Variants in SCFD2 observed in about 807,000 individuals in gnomAD.
SCFD2 encodes the protein sec1 family domain-containing protein 2.
A neutral mutation model predicts 58.9 loss-of-function variants in SCFD2; 54 were observed. The ratio of observed to expected loss-of-function variants is 0.92; its 90% CI spans 0.74 to 1.15. The LOEUF is 1.15. Among genes scored for constraint, SCFD2 ranks in the 50% most tolerant of loss-of-function variants. The pLI is 0.00. For synonymous variants in SCFD2, 321 were observed against 335.9 expected (o/e 0.96, Z 0.49); for missense variants, 805 against 836.6 (o/e 0.96, Z 0.47).
chr4:53,221,460 C>G (rs74344116), intron 4 of SCFD2, among the ~76,000 whole-genome samples: 4,708 of 152,280 alleles, frequency 0.031, 144 homozygotes, highest in African/African-American at 0.083. Flanking sequence ...TAAAACCCCA[C>G]TGAGTTCAAA....
At chr4:52,891,290 C>A (rs770908905) in intron 7 of SCFD2, among the ~76,000 whole-genome samples, 1 of 152,146 alleles carries the variant, frequency 6.6e-6, no homozygotes, top group Admixed American at 6.5e-5. Context: ...GAAAAGAACC[C>A]CTGCTGTCAC....
At chr4:53,178,126 T>C (rs1727404432) in intron 4 of SCFD2, among the ~76,000 whole-genome samples, 1 of 152,202 alleles carries the variant, frequency 6.6e-6, no homozygotes, top group Non-Finnish European at 1.5e-5. Flanking sequence ...CTCTGCAGAC[T>C]TAAATGTCCC....
chr4:53,327,926 C>A (rs892501936), intron 2 of SCFD2, among the ~76,000 whole-genome samples: 2 of 151,772 alleles, frequency 1.3e-5, no homozygotes, highest in African/African-American at 4.8e-5. Context: ...GTCAGGAGAT[C>A]GAGACAATCC....
chr4:52,922,696 T>C (rs1365819109), intron 5 of SCFD2, among the ~76,000 whole-genome samples: 1 of 152,238 alleles, frequency 6.6e-6, no homozygotes, highest in East Asian at 1.9e-4. Context: ...TGTGTGGACA[T>C]ACATTTTCAT....
intron 5 of SCFD2, among the ~76,000 whole-genome samples, chr4:53,022,834 T>A (rs1722382017): frequency 6.6e-6 from 1 of 152,194 alleles, no homozygotes; most frequent in Admixed American, 6.5e-5. Flanking sequence ...TGTAGGGGTG[T>A]GGAGACTGAC....
intron 3 of SCFD2, among the ~76,000 whole-genome samples, chr4:53,300,966 T>A (rs1327706312): frequency 2.0e-5 from 3 of 152,108 alleles, no homozygotes; most frequent in East Asian, 3.9e-4. Context: ...AGAGGGAAAT[T>A]TATAGCACTA....
chr4:53,328,369 G>A (rs1337135392), intron 2 of SCFD2, among the ~76,000 whole-genome samples: 2 of 152,048 alleles, frequency 1.3e-5, no homozygotes, highest in Non-Finnish European at 2.9e-5. Flanking sequence ...CTGATTCCAG[G>A]ACTAGCTAGG....
chr4:53,150,065 G>A (rs956482795), intron 4 of SCFD2, among the ~76,000 whole-genome samples: 1 of 152,140 alleles, frequency 6.6e-6, no homozygotes. Context: ...TATTATATTT[G>A]ATAAATGCAC....
At chr4:53,035,842 G>A (rs28823122) in intron 5 of SCFD2, among the ~76,000 whole-genome samples, 26,985 of 151,998 alleles carry the variant, frequency 0.18, 3,955 homozygotes, top group African/African-American at 0.4. Context: ...ACTGGGGAGG[G>A]TGTGGAGAAA....
chr4:53,170,253 TAC>T (rs1365852722), intron 4 of SCFD2, among the ~76,000 whole-genome samples: 1 of 152,214 alleles, frequency 6.6e-6, no homozygotes, highest in Non-Finnish European at 1.5e-5. Flanking sequence ...TTGCATGAGA[TAC>T]ACAGTTTTCC....
chr4:53,303,456 G>A (rs981349147), intron 3 of SCFD2, among the ~76,000 whole-genome samples: 13 of 152,132 alleles, frequency 8.5e-5, no homozygotes, highest in African/African-American at 2.4e-4. Context: ...GAAACAGCAC[G>A]TGCTGGAGAG....
intron 4 of SCFD2, among the ~76,000 whole-genome samples, chr4:53,181,240 C>T (rs373849115): frequency 3.3e-5 from 5 of 152,104 alleles, no homozygotes; most frequent in African/African-American, 7.2e-5. Flanking sequence ...TGATGAACAT[C>T]GATGCAAAAA....
intron 5 of SCFD2, among the ~76,000 whole-genome samples, chr4:53,091,680 C>T (rs1171887833): frequency 2.0e-5 from 3 of 152,116 alleles, no homozygotes; most frequent in African/African-American, 4.8e-5. Flanking sequence ...CCTGTAGATA[C>T]AACTTTCATA....
chr4:53,030,614 G>A (rs1577671824), intron 5 of SCFD2, among the ~76,000 whole-genome samples: 1 of 152,134 alleles, frequency 6.6e-6, no homozygotes, highest in South Asian at 2.1e-4. Context: ...TAGAGACGGA[G>A]TTTCACCATG....
intron 2 of SCFD2, among the ~76,000 whole-genome samples, chr4:53,333,548 T>C (rs940655348): frequency 4.0e-5 from 6 of 151,654 alleles, no homozygotes; most frequent in South Asian, 2.1e-4. Context: ...GCTAGCCATA[T>C]GTAGAAAGCT....
At chr4:53,228,639 T>C (rs1008400037) in intron 4 of SCFD2, among the ~76,000 whole-genome samples, 2 of 152,074 alleles carry the variant, frequency 1.3e-5, no homozygotes. Flanking sequence ...TAAGAGCTAT[T>C]TATGACAAAC....
chr4:52,904,587 T>C (rs1041880113), intron 7 of SCFD2, among the ~76,000 whole-genome samples: 2 of 152,172 alleles, frequency 1.3e-5, no homozygotes, highest in Admixed American at 6.5e-5. Context: ...TCGAGGGAGT[T>C]CACTCACACT....
At chr4:53,130,993 G>A (rs1279375831) in intron 5 of SCFD2, among the ~76,000 whole-genome samples, 2 of 152,026 alleles carry the variant, frequency 1.3e-5, no homozygotes, top group African/African-American at 2.4e-5. Flanking sequence ...AATATAAAAG[G>A]CAAACACCAA....
intron 3 of SCFD2, among the ~76,000 whole-genome samples, chr4:53,303,472 G>A (rs1396454265): frequency 2.6e-5 from 4 of 152,086 alleles, no homozygotes; most frequent in African/African-American, 9.7e-5. Flanking sequence ...GAGAGGATGT[G>A]GAAAAATAGG....
Sources: gnomAD v4.1 joint callset for allele counts (sites outside exome capture counted in the v4.1 genomes callset) on GRCh38, gnomAD v4.1.1 for gene constraint, MANE v1.5 for transcripts, NCBI Gene and HGNC (gene_info 2026-07-23, HGNC 2026-07-21) for gene names.